LRRC49: variants seen among roughly 807,000 people sequenced by gnomAD.
LRRC49 encodes leucine-rich repeat-containing protein 49.
In LRRC49, 50 loss-of-function variants were observed where a neutral mutation model predicts 83.3. The observed-to-expected ratio is 0.60, with a 90% CI of 0.48 to 0.76. The LOEUF (loss-of-function observed/expected upper bound fraction) is 0.76. LRRC49 is among the 30% of genes least tolerant of loss of function. The pLI, the probability that LRRC49 is intolerant of heterozygous loss-of-function variation, is 0.00. For missense variants in LRRC49, 704 were observed against 809.1 expected, an observed-to-expected ratio of 0.87 and a Z score of 1.58; for synonymous variants, 286 against 283.3, an observed-to-expected ratio of 1.01 and a Z score of -0.10.
chr15:70,866,353 G>A (rs182767449), intron 1 of LRRC49, among the ~76,000 whole-genome samples: 38 of 152,096 alleles, frequency 2.5e-4, no homozygotes, highest in Admixed American at 1.6e-3. Flanking sequence ...CACCATGTTG[G>A]CCAGGATGGT....
At position 70,887,290 on chromosome 15, in the gene LRRC49, A is replaced by C. The variant is rs2141088829; in HGVS notation, c.19-6294A>C. Among the ~76,000 whole-genome samples the C allele has an allele frequency of 1.3e-5, 2 of 152,254 alleles. 1 individual carries two copies. The highest frequency in any genetic ancestry group is 4.1e-4 in the South Asian group (2 of 4,828). On this transcript the variant is annotated intron_variant, in intron 2 of 16. Transcript: ENST00000544974. ...ATCTGTTGGCATAATCTTCATACCA[A>C]ACCTGAGAAAGGCATTCCAAGAAAG...
In LRRC49 at chr15:70,922,778, C is replaced by T. The variant is rs921856391; in HGVS notation, c.711+3585C>T. ...GCCTGTATCAAAACAGCTCATGTACCCCATAAATACCTATACCTACTAGGT... is the reference window on the plus strand; with the variant it reads ...GCCTGTATCAAAACAGCTCATGTACTCCATAAATACCTATACCTACTAGGT... On this transcript the variant is annotated intron_variant, in intron 7 of 15. Coordinates refer to ENST00000260382, the MANE Select transcript of LRRC49 (RefSeq NM_017691.5). 5.3e-5 allele frequency among the ~76,000 whole-genome samples: 8 copies of T among 151,334 alleles called. No homozygotes were observed. In the East Asian group the frequency reaches 1.5e-3, roughly 29 times the overall value.
chr15:71,037,089 A>G, intron 14 of LRRC49, 90 bp from the exon 15 acceptor site: 2 of 866,756 alleles, frequency 2.3e-6, no homozygotes, highest in South Asian at 1.6e-5. Context: ...TCAAAAAAGT[A>G]TATGTTCTCC....
intron 1 of LRRC49, chr15:70,893,319 A>C: frequency 1.8e-6 from 1 of 559,842 alleles, no homozygotes; most frequent in African/African-American, 1.9e-5. Context: ...TTAGACCTGA[A>C]TGGCAAATGT....
At chr15:70,889,475 G>T (rs1220757451), upstream of LRRC49, among the ~76,000 whole-genome samples, 1 of 152,170 alleles carries the variant, frequency 6.6e-6, no homozygotes, top group Admixed American at 6.5e-5. Context: ...GACTTGGGTT[G>T]TGGTTACACA....
At chr15:71,028,761 GT>G (rs1199046051) in intron 14 of LRRC49, among the ~76,000 whole-genome samples, 3 of 152,104 alleles carry the variant, frequency 2.0e-5, no homozygotes, top group African/African-American at 7.2e-5. Flanking sequence ...TCTGATGGTA[GT>G]TTGTATTTCT....
At chr15:70,917,394 A>G (rs1382476473) in intron 6 of LRRC49, among the ~76,000 whole-genome samples, 2 of 152,150 alleles carry the variant, frequency 1.3e-5, no homozygotes, top group African/African-American at 4.8e-5. Flanking sequence ...TCTACCCTGA[A>G]GCCCATAAAA....
chr15:70,867,811 A>G (rs2032944343), intron 1 of LRRC49, among the ~76,000 whole-genome samples: 1 of 152,118 alleles, frequency 6.6e-6, no homozygotes, highest in African/African-American at 2.4e-5. Flanking sequence ...CACATCTACC[A>G]CAATGCCTGC....
intron 4 of LRRC49, among the ~76,000 whole-genome samples, chr15:70,901,810 T>C (rs2034092714): frequency 6.6e-6 from 1 of 152,180 alleles, no homozygotes; most frequent in South Asian, 2.1e-4. Context: ...AAACACACTC[T>C]TGATAAAATT....
chr15:71,049,312 G>A, intron 15 of LRRC49, 97 bp from the exon 16 acceptor site: 1 of 776,468 alleles, frequency 1.3e-6, no homozygotes. Flanking sequence ...TAGGGGGTCA[G>A]AATAAATTAT....
chr15:71,003,849 A>G (rs200086666), intron 11 of LRRC49, among the ~76,000 whole-genome samples: 1,777 of 152,292 alleles, frequency 0.012, 41 homozygotes, highest in African/African-American at 0.04. Context: ...TGCCATTTTG[A>G]CTACACCATA....
chr15:70,892,847 C>G lies in LRRC49; in HGVS notation c.-48C>G. 4 of 1,614,154 alleles carry G rather than the reference C, an allele frequency of 2.5e-6. No individual in the cohort carries two copies. Among genetic ancestry groups the G allele is most frequent in the Non-Finnish European group, 3.4e-6 (4 of 1,180,004 alleles). On this transcript the variant is annotated 5_prime_UTR_variant, in exon 1 of 16. Transcript: ENST00000260382. The stretch of plus-strand genomic sequence containing the variant: ...GGGTCTCTTTGAATCTCCGCTGTAG[C>G]GTCACCTGGAAGGCAGATCTAACAG...
At chr15:70,917,360 A>G (rs2034824915) in intron 6 of LRRC49, among the ~76,000 whole-genome samples, 2 of 152,264 alleles carry the variant, frequency 1.3e-5, no homozygotes, top group African/African-American at 4.8e-5. Flanking sequence ...GTGGCCGCCC[A>G]TGGGCCAATC....
intron 15 of LRRC49, among the ~76,000 whole-genome samples, chr15:71,043,594 A>G (rs1276639086): frequency 4.6e-5 from 7 of 152,188 alleles, no homozygotes; most frequent in South Asian, 2.1e-4. Flanking sequence ...CAGACACCTG[A>G]TGACTTATAG....
chr15:70,936,644 G>T, intron 7 of LRRC49, 117 bp from the exon 8 acceptor site: 1 of 670,772 alleles, frequency 1.5e-6, no homozygotes, highest in South Asian at 1.8e-5. Flanking sequence ...AGAAATCAGT[G>T]ATGTAGCAAT....
intron 2 of LRRC49, among the ~76,000 whole-genome samples, chr15:70,885,752 G>A (rs970608329): frequency 1.3e-5 from 2 of 152,140 alleles, no homozygotes; most frequent in African/African-American, 2.4e-5. Context: ...AGATTAATAT[G>A]TAAATTCAAA....
upstream of LRRC49, among the ~76,000 whole-genome samples, chr15:70,887,804 T>A (rs150957516): frequency 5.8e-4 from 88 of 152,290 alleles, no homozygotes; most frequent in African/African-American, 2.0e-3. Context: ...CAGATGATAT[T>A]TTTGTACATG....
At chr15:70,993,484 G>A (rs2141243195) in intron 11 of LRRC49, among the ~76,000 whole-genome samples, 2 of 152,326 alleles carry the variant, frequency 1.3e-5, no homozygotes, top group South Asian at 4.1e-4. Context: ...GCTGGGAGCT[G>A]TAGACTGGAG....
intron 9 of LRRC49, among the ~76,000 whole-genome samples, chr15:70,967,953 T>A (rs2036849045): frequency 7.8e-6 from 1 of 127,408 alleles, no homozygotes; most frequent in African/African-American, 4.0e-5. Context: ...ATGAAGTAAC[T>A]TTTTTTTTTT....
Sources: allele counts gnomAD v4.1 joint callset (sites outside exome capture counted in the v4.1 genomes callset), GRCh38; gene constraint gnomAD v4.1.1; transcripts MANE v1.5; gene names NCBI Gene and HGNC (gene_info 2026-07-23, HGNC 2026-07-21).